Variants in RIMS1 observed in about 807,000 individuals in gnomAD.
RIMS1 encodes regulating synaptic membrane exocytosis 1.
A neutral mutation model predicts 214.1 loss-of-function variants in RIMS1; 83 were observed. That is an observed-to-expected ratio of 0.39 (90% confidence interval 0.32 to 0.47). The LOEUF is 0.47. Among genes scored for constraint, RIMS1 ranks in the 20% least tolerant of loss-of-function variants. The pLI, the probability that RIMS1 is intolerant of heterozygous loss-of-function variation, is 0.99. For missense variants in RIMS1, 2,050 were observed against 2,161.8 expected, an observed-to-expected ratio of 0.95 and a Z score of 1.03; for synonymous variants, 793 against 786.8, an observed-to-expected ratio of 1.01 and a Z score of -0.13.
intron 2 of RIMS1, among the ~76,000 whole-genome samples, chr6:72,089,219 G>A (rs1835498017): frequency 6.6e-6 from 1 of 152,106 alleles, no homozygotes; most frequent in Admixed American, 6.5e-5. Flanking sequence ...TGTAATTTAG[G>A]TTCCATCAGT....
At chr6:72,110,714 C>A (rs1266714311) in intron 4 of RIMS1, among the ~76,000 whole-genome samples, 1 of 151,916 alleles carries the variant, frequency 6.6e-6, no homozygotes, top group Non-Finnish European at 1.5e-5. Flanking sequence ...TGCCTAATAG[C>A]CCTGGCCAGA....
At position 72,092,291 on chromosome 6, in the gene RIMS1, C is replaced by CCCTTCCTTCCTTCCTTCCTT. The variant is rs1554220983; in HGVS notation, c.246-4647_246-4628dup. Among the ~76,000 whole-genome samples the CCCTTCCTTCCTTCCTTCCTT allele has an allele frequency of 4.3e-3, 463 of 107,996 alleles. 9 individuals are homozygous for CCCTTCCTTCCTTCCTTCCTT. The highest frequency in any genetic ancestry group is 7.0e-3 in the East Asian group (32 of 4,560). The allele number at this position is 107,996 out of a possible 152,430, so 70.8% of individuals were successfully genotyped here. A position where few individuals can be genotyped will look rare whatever the true frequency, so the allele number is the denominator to read the frequency against. ...TCCTTCCCTCCCTCCCTCCCTCCCTCCCTTCCTTCCTTCCTTCCTTCCTTC... is the reference window on the plus strand; with the variant it reads ...TCCTTCCCTCCCTCCCTCCCTCCCTCCCTTCCTTCCTTCCTTCCTTCCTTCCTTCCTTCCTTCCTTCCTTC... On this transcript the variant is annotated intron_variant, in intron 2 of 33. Coordinates refer to ENST00000521978, the MANE Select transcript of RIMS1 (RefSeq NM_014989.7).
intron 2 of RIMS1, among the ~76,000 whole-genome samples, chr6:72,038,118 A>AAAAAAAAAATAT (rs1820399900): frequency 1.5e-4 from 2 of 13,418 alleles, no homozygotes; most frequent in Non-Finnish European, 2.4e-4. Context: ...AAAAAAAAAA[A>AAAAAAAAAATAT]ATATATATAT....
chr6:72,080,603 G>A (rs1833124375), intron 2 of RIMS1, among the ~76,000 whole-genome samples: 1 of 152,170 alleles, frequency 6.6e-6, no homozygotes, highest in South Asian at 2.1e-4. Flanking sequence ...AAATCCCGAT[G>A]ATGATGAAGA....
intron 1 of RIMS1, among the ~76,000 whole-genome samples, chr6:71,962,533 C>A (rs1304212421): frequency 2.6e-5 from 4 of 152,156 alleles, no homozygotes; most frequent in Non-Finnish European, 4.4e-5. Context: ...GTGATTAGTA[C>A]ATCTGGCTTT....
chr6:71,908,106 C>T (rs1775794184), intron 1 of RIMS1, among the ~76,000 whole-genome samples: 2 of 152,160 alleles, frequency 1.3e-5, no homozygotes, highest in South Asian at 2.1e-4. Flanking sequence ...GGTCCTGGGC[C>T]CCTGCCTCTA....
chr6:72,286,607 T>C (rs772658819), intron 24 of RIMS1, among the ~76,000 whole-genome samples: 10 of 152,198 alleles, frequency 6.6e-5, no homozygotes, highest in Non-Finnish European at 1.2e-4. Flanking sequence ...AGTTTCTTTG[T>C]GAATTGTTGA....
At chr6:72,245,033 G>A (rs2154120069) in intron 10 of RIMS1, among the ~76,000 whole-genome samples, 1 of 151,998 alleles carries the variant, frequency 6.6e-6, no homozygotes, top group East Asian at 1.9e-4. Context: ...ATAGTCCTAT[G>A]CAGTATAATA....
intron 30 of RIMS1, among the ~76,000 whole-genome samples, chr6:72,391,105 A>G (rs553552172): frequency 7.0e-4 from 107 of 152,332 alleles, no homozygotes; most frequent in Non-Finnish European, 7.8e-4. Flanking sequence ...AAAATTTATA[A>G]GTAAGGAACT....
At chr6:72,378,542 A>G (rs1334276736) in intron 29 of RIMS1, among the ~76,000 whole-genome samples, 1 of 152,206 alleles carries the variant, frequency 6.6e-6, no homozygotes, top group African/African-American at 2.4e-5. Flanking sequence ...AGAAAAGGAC[A>G]CCTCAGGGCA....
chr6:72,196,393 A>G (rs1362940074), intron 6 of RIMS1, among the ~76,000 whole-genome samples: 23 of 150,992 alleles, frequency 1.5e-4, no homozygotes, highest in African/African-American at 2.2e-4. Flanking sequence ...CTATCTATCT[A>G]TCTATCTATC....
chr6:72,240,021 ACT>A (rs1310976518), intron 9 of RIMS1, among the ~76,000 whole-genome samples: 3 of 152,066 alleles, frequency 2.0e-5, no homozygotes, highest in Middle Eastern at 6.3e-3. Context: ...GCACCACTTG[ACT>A]CTATTTCTGG....
chr6:72,357,843 A>G (rs1168874865), intron 29 of RIMS1, among the ~76,000 whole-genome samples: 1 of 152,232 alleles, frequency 6.6e-6, no homozygotes, highest in Non-Finnish European at 1.5e-5. Context: ...GTAATTGACA[A>G]TGCTAAAAGT....
chr6:72,309,860 T>C (rs1001975920), intron 27 of RIMS1, among the ~76,000 whole-genome samples: 1 of 152,060 alleles, frequency 6.6e-6, no homozygotes, highest in African/African-American at 2.4e-5. Context: ...TCCACATCTC[T>C]AATATTTATA....
At chr6:72,324,839 GGTTGCAACAGAGTCGAGTA>G (rs1192046872) in intron 28 of RIMS1, among the ~76,000 whole-genome samples, 1 of 151,726 alleles carries the variant, frequency 6.6e-6, no homozygotes, top group African/African-American at 2.4e-5. Flanking sequence ...ACAATTGAGT[GGTTGCAACAGAGTCGAGTA>G]GTTGCAACAG....
rs761517626 is a variant in RIMS1, at chr6:72,290,835, G to A, written c.3711G>A (p.Ser1237=). 8.6e-5 allele frequency: 138 copies of A among 1,612,746 alleles called. No homozygotes were observed. Among genetic ancestry groups the A allele is most frequent in the Non-Finnish European group, 1.1e-4 (126 of 1,179,676 alleles). The change falls in exon 25 of 34, where the codon TCG becomes TCA. Residue 1237 remains serine, a synonymous_variant. Coordinates refer to ENST00000521978, the MANE Select transcript of RIMS1 (RefSeq NM_014989.7). ...TGCACCACCTTGTCCCTGGAGGGTC[G>A]GCGCCACCTTCTCCGCTTCTGACAA... ...CSMHHLVPGG[S]APPSPLLTRM... is the part of the protein sequence containing the mutation.
In RIMS1 at chr6:72,290,878, C is replaced by T. The variant is rs771849903; in HGVS notation, c.3737+17C>T. 3 of 1,609,702 alleles carry T rather than the reference C, an allele frequency of 1.9e-6. No homozygotes were observed. Among genetic ancestry groups the T allele is most frequent in the African/African-American group, 1.3e-5 (1 of 74,762 alleles). ...TCTGACAAGGTCGCTATTCAGTGTC[C>T]CCCTCAGCATTCATGTCCTGCCTCC... On this transcript the variant is annotated intron_variant, in intron 25 of 33. Transcript: ENST00000521978.
At chr6:71,936,284 G>A (rs1480456450) in intron 1 of RIMS1, among the ~76,000 whole-genome samples, 4 of 132,568 alleles carry the variant, frequency 3.0e-5, no homozygotes, top group African/African-American at 1.1e-4. Context: ...CCGAGATCGC[G>A]CCACTGCACT....
intron 9 of RIMS1, 125 bp downstream of exon 9, chr6:72,238,047 A>G (rs2065024239): frequency 6.4e-6 from 3 of 471,534 alleles, no homozygotes; most frequent in East Asian, 3.3e-5. Context: ...GTATATATCA[A>G]TTAAGTCACT....
Sources: gnomAD v4.1 joint callset for allele counts (sites outside exome capture counted in the v4.1 genomes callset) on GRCh38, gnomAD v4.1.1 for gene constraint, MANE v1.5 for transcripts, NCBI Gene and HGNC (gene_info 2026-07-23, HGNC 2026-07-21) for gene names.